Variants in INPP5A observed in about 807,000 individuals in gnomAD.
The protein encoded by INPP5A is inositol polyphosphate-5-phosphatase A.
Under a neutral mutation model 65.2 loss-of-function variants are expected in INPP5A, and 14 were observed. That is an observed-to-expected ratio of 0.21 (90% CI 0.14 to 0.34). INPP5A has a LOEUF of 0.34. INPP5A is among the 10% of genes least tolerant of loss of function. INPP5A has a pLI of 1.00. For synonymous variants in INPP5A, 207 were observed against 208.3 expected (o/e 0.99, Z 0.05); for missense variants, 431 against 545.6 (o/e 0.79, Z 2.09).
intron 4 of INPP5A, among the ~76,000 whole-genome samples, chr10:132,683,516 C>G (rs2073080208): frequency 6.6e-6 from 1 of 152,246 alleles, no homozygotes; most frequent in Non-Finnish European, 1.5e-5. Flanking sequence ...GGGTGCGTGT[C>G]TGCAGTGACC....
chr10:132,554,237 AGG>A (rs979218978), intron 1 of INPP5A, among the ~76,000 whole-genome samples: 4 of 152,126 alleles, frequency 2.6e-5, no homozygotes, highest in Admixed American at 2.6e-4. Flanking sequence ...CACAGGGCAA[AGG>A]GGTAGTGTAC....
intron 8 of INPP5A, among the ~76,000 whole-genome samples, chr10:132,712,810 A>G (rs1194942322): frequency 6.9e-6 from 1 of 145,984 alleles, no homozygotes; most frequent in Non-Finnish European, 1.5e-5. Context: ...GCATGTGTGC[A>G]TGTGTGTGGG....
chr10:132,689,867 C>T (rs140443766), intron 4 of INPP5A, among the ~76,000 whole-genome samples: 1 of 152,228 alleles, frequency 6.6e-6, no homozygotes, highest in African/African-American at 2.4e-5. Flanking sequence ...ACTGGCAGCT[C>T]CTGGGGCGAT....
rs567052950 is a variant in INPP5A at position 132,668,731 on chromosome 10, A to G, written c.306+18226A>G. Among the ~76,000 whole-genome samples the G allele has an allele frequency of 2.0e-5, 3 of 152,306 alleles. No homozygotes were observed. In the East Asian group the frequency reaches 5.8e-4, roughly 29 times the overall value. ...TTTTATTCTCTTCCGTAGGATTTAA[A>G]AGCTTGCGGCCCACTTCACCCCTCT... On this transcript the variant is annotated intron_variant, in intron 4 of 15. Transcript: ENST00000368594.
At chr10:132,558,525 A>G (rs1281430084) in intron 1 of INPP5A, among the ~76,000 whole-genome samples, 1 of 152,182 alleles carries the variant, frequency 6.6e-6, no homozygotes, top group East Asian at 1.9e-4. Flanking sequence ...GTCCATATGC[A>G]TGGGGTCCAC....
chr10:132,562,991 G>A (rs2071225020), intron 1 of INPP5A, among the ~76,000 whole-genome samples: 1 of 152,246 alleles, frequency 6.6e-6, no homozygotes, highest in African/African-American at 2.4e-5. Context: ...GCTTCAGGGA[G>A]GGTTGTGGGG....
rs1382832771 is a variant in INPP5A at position 132,587,856 on chromosome 10, C to G, written c.76-20059C>G. ...TGAAATCCCGTCTCTACTAAAAAGACAAAAAATTAGCCGGGCATGGTGGTG... is the reference window on the plus strand; with the variant it reads ...TGAAATCCCGTCTCTACTAAAAAGAGAAAAAATTAGCCGGGCATGGTGGTG... On this transcript the variant is annotated intron_variant, in intron 1 of 15. Transcript: ENST00000368594. This position sits in a 1 kb window ranked among gnomAD's most constrained non-coding sequence, Gnocchi z 4.3. 6.6e-6 allele frequency among the ~76,000 whole-genome samples: 1 copy of G among 151,226 alleles called. No homozygotes were observed. The highest frequency in any genetic ancestry group is 1.5e-5 in the Non-Finnish European group (1 of 67,796).
Position 132,708,214 on chromosome 10 carries a change from G to T in INPP5A, c.475-99G>T. 4 of 1,061,960 alleles carry T rather than the reference G, an allele frequency of 3.8e-6. No homozygotes were observed. The Admixed American group carries it at 6.1e-5, about 16-fold the overall frequency. 65.8% of individuals were successfully genotyped at this position (1,061,960 alleles called of 1,614,324 possible). A position where few individuals can be genotyped will look rare whatever the true frequency, so the allele number is the denominator to read the frequency against. ...TGCCGGAAGAGCCCTGCTGTTTTTTGTTTGGAAAGCATCTCCTGTGTCCTT... is the reference window on the plus strand; with the variant it reads ...TGCCGGAAGAGCCCTGCTGTTTTTTTTTTGGAAAGCATCTCCTGTGTCCTT... On this transcript the variant is annotated intron_variant, in intron 6 of 15. Coordinates refer to ENST00000368594, the MANE Select transcript of INPP5A (RefSeq NM_005539.5).
intron 2 of INPP5A, among the ~76,000 whole-genome samples, chr10:132,625,560 T>C (rs2072171400): frequency 6.6e-6 from 1 of 152,114 alleles, no homozygotes; most frequent in African/African-American, 2.4e-5. Context: ...CACAGGGGTC[T>C]CAGACTGGCC....
In INPP5A at chr10:132,547,372, C is replaced by T. The variant is rs1486432770; in HGVS notation, c.75+9201C>T. Reference sequence around the variant, plus strand: ...TCTTCCTGGCGTCAGGTGTTCTCGGCGGCCTCTCGGTAACAGCCTGGCCTT... The same window carrying T: ...TCTTCCTGGCGTCAGGTGTTCTCGGTGGCCTCTCGGTAACAGCCTGGCCTT... On this transcript the variant is annotated intron_variant, in intron 1 of 15. Coordinates refer to ENST00000368594, the MANE Select transcript of INPP5A (RefSeq NM_005539.5). This position sits in a 1 kb window ranked among gnomAD's most constrained non-coding sequence, Gnocchi z 5.5. Among the ~76,000 whole-genome samples, 4 of 152,170 alleles carry T rather than the reference C, an allele frequency of 2.6e-5. No individual in the cohort carries two copies. Among genetic ancestry groups the T allele is most frequent in the African/African-American group, 7.2e-5 (3 of 41,448 alleles).
chr10:132,725,226 ACTC>A (rs1483580953), intron 8 of INPP5A, among the ~76,000 whole-genome samples: 2 of 152,202 alleles, frequency 1.3e-5, no homozygotes, highest in Non-Finnish European at 2.9e-5. Context: ...ATGGAAATGA[ACTC>A]CTACGCTCCA....
intron 4 of INPP5A, among the ~76,000 whole-genome samples, chr10:132,671,362 C>T (rs928655826): frequency 1.3e-5 from 2 of 149,610 alleles, no homozygotes; most frequent in Non-Finnish European, 3.0e-5. Flanking sequence ...CTTCGGACTC[C>T]GCCCTCCCTG....
At chr10:132,671,310 G>A (rs948742110) in intron 4 of INPP5A, among the ~76,000 whole-genome samples, 5 of 130,602 alleles carry the variant, frequency 3.8e-5, no homozygotes, top group Non-Finnish European at 8.4e-5. Flanking sequence ...GTGGGCTGCG[G>A]CGAGGCTTGT....
At chr10:132,703,924 GCAA>G (rs1845488162) in intron 6 of INPP5A, among the ~76,000 whole-genome samples, 1 of 58,784 alleles carries the variant, frequency 1.7e-5, no homozygotes, top group Non-Finnish European at 3.1e-5. Context: ...ACACACACAC[GCAA>G]GCTTCACCCC....
At chr10:132,743,631 T>G (rs1846316753) in intron 9 of INPP5A, among the ~76,000 whole-genome samples, 1 of 152,244 alleles carries the variant, frequency 6.6e-6, no homozygotes, top group African/African-American at 2.4e-5. Context: ...TCTTCAAGAC[T>G]GGACTCACTC....
intron 4 of INPP5A, among the ~76,000 whole-genome samples, chr10:132,664,485 TC>T (rs2072777348): frequency 2.0e-5 from 3 of 152,220 alleles, no homozygotes; most frequent in Admixed American, 2.0e-4. Context: ...CTACCTGATG[TC>T]CCAAAGGGAA....
intron 8 of INPP5A, among the ~76,000 whole-genome samples, chr10:132,726,562 G>A (rs1173541163): frequency 6.6e-6 from 1 of 152,236 alleles, no homozygotes; most frequent in Non-Finnish European, 1.5e-5. Context: ...CTGAGACTCT[G>A]CCTTTCCTCT....
Position 132,782,004 on chromosome 10 carries a change from TG to T in INPP5A, c.*8-32del. The T allele has an allele frequency of 6.2e-7, 1 of 1,611,928 alleles. No individual in the cohort carries two copies. Among genetic ancestry groups the T allele is most frequent in the South Asian group, 1.1e-5 (1 of 90,950 alleles). ...TTTACGCAGCTTTTCCTGGTGCGTT[TG>T]TTCCTTTAACAAATTACGAATTCCG... On this transcript the variant is annotated intron_variant, in intron 15 of 15. Transcript: ENST00000368594. This position sits in a 1 kb window ranked among gnomAD's most constrained non-coding sequence, Gnocchi z 4.4.
chr10:132,610,160 C>G (rs376150526), intron 2 of INPP5A, among the ~76,000 whole-genome samples: 2 of 152,194 alleles, frequency 1.3e-5, no homozygotes, highest in African/African-American at 4.8e-5. Flanking sequence ...AGGCAGTGGC[C>G]AGGCTCTACC....
Sources: gnomAD v4.1 joint callset for allele counts (sites outside exome capture counted in the v4.1 genomes callset) on GRCh38, gnomAD v4.1.1 for gene constraint, Gnocchi (gnomAD v3.1) non-coding constraint, MANE v1.5 for transcripts, NCBI Gene and HGNC (gene_info 2026-07-23, HGNC 2026-07-21) for gene names.